RPS6KC1: variants seen among roughly 807,000 people sequenced by gnomAD.
RPS6KC1 encodes inactive ribosomal protein S6 kinase delta-1.
Under a neutral mutation model 103.8 loss-of-function variants are expected in RPS6KC1, and 54 were observed. The observed-to-expected ratio is 0.52, with a 90% CI of 0.42 to 0.65. The LOEUF is 0.65. Ranked by LOEUF, RPS6KC1 falls within the 30% of genes least tolerant of loss-of-function variation. RPS6KC1 has a pLI of 0.00. For missense variants in RPS6KC1, 1,151 were observed against 1,253.8 expected (o/e 0.92, Z 1.24); for synonymous variants, 439 against 438.7 (o/e 1.00, Z -0.01).
chr1:213,602,028 C>CTTTCTTTCTCTTTCTTTCTTTCTT, the RPS6KC1 span, among the ~76,000 whole-genome samples: 9 of 11,894 alleles, frequency 7.6e-4, 3 homozygotes, highest in African/African-American at 1.8e-3. Context: ...TTCTTTCTTT[C>CTTTCTTTCTCTTTCTTTCTTTCTT]TCTTTCTCTT....
the RPS6KC1 span, among the ~76,000 whole-genome samples, chr1:213,294,869 T>G: frequency 6.6e-6 from 1 of 152,192 alleles, no homozygotes; most frequent in South Asian, 2.1e-4. Context: ...AAAATTATTC[T>G]TTCTCCTCCT....
chr1:213,786,094 T>C, the RPS6KC1 span, among the ~76,000 whole-genome samples: 3 of 151,768 alleles, frequency 2.0e-5, no homozygotes, highest in Non-Finnish European at 2.9e-5. Context: ...AGGATGGGAA[T>C]AAAGCTAGGG....
chr1:213,505,899 A>G, the RPS6KC1 span, among the ~76,000 whole-genome samples: 26 of 152,194 alleles, frequency 1.7e-4, 1 homozygote, highest in South Asian at 3.7e-3. Context: ...TTCACTATCA[A>G]GTGCCTGATT....
At chr1:213,440,039 A>C in the RPS6KC1 span, among the ~76,000 whole-genome samples, 1 of 152,232 alleles carries the variant, frequency 6.6e-6, no homozygotes, top group East Asian at 1.9e-4. Context: ...TGGTTTGATT[A>C]TGACATGCCT....
the RPS6KC1 span, among the ~76,000 whole-genome samples, chr1:213,486,577 C>G: frequency 1.3e-5 from 2 of 152,088 alleles, no homozygotes; most frequent in Non-Finnish European, 2.9e-5. Context: ...CTCTGTTCAT[C>G]AAGATACTAT....
the RPS6KC1 span, among the ~76,000 whole-genome samples, chr1:213,384,426 G>A: frequency 6.6e-6 from 1 of 152,102 alleles, no homozygotes; most frequent in Non-Finnish European, 1.5e-5. Flanking sequence ...AGACTGAGGA[G>A]CCTCCAGGTC....
the RPS6KC1 span, among the ~76,000 whole-genome samples, chr1:213,638,187 G>A: frequency 1.3e-5 from 2 of 151,982 alleles, no homozygotes; most frequent in Non-Finnish European, 2.9e-5. Context: ...TGCCCTATAG[G>A]TATCTTTTTT....
the RPS6KC1 span, among the ~76,000 whole-genome samples, chr1:213,309,669 C>A: frequency 1.3e-5 from 2 of 152,066 alleles, no homozygotes; most frequent in Non-Finnish European, 2.9e-5. Flanking sequence ...GTGCTTGATT[C>A]TCCTCTTCTC....
At chr1:213,420,716 A>T in the RPS6KC1 span, among the ~76,000 whole-genome samples, 1 of 151,978 alleles carries the variant, frequency 6.6e-6, no homozygotes, top group Non-Finnish European at 1.5e-5. Context: ...CCCTTGGTTG[A>T]CCCCTGTATT....
At chr1:213,829,838 T>A in the RPS6KC1 span, among the ~76,000 whole-genome samples, 1 of 152,230 alleles carries the variant, frequency 6.6e-6, no homozygotes. Context: ...ATACTCAGAA[T>A]GCCATACCAT....
chr1:213,826,471 T>C, the RPS6KC1 span, among the ~76,000 whole-genome samples: 2 of 152,238 alleles, frequency 1.3e-5, no homozygotes, highest in Non-Finnish European at 2.9e-5. Flanking sequence ...TTCAATACTA[T>C]ATAGACTTGA....
chr1:213,559,087 T>G, the RPS6KC1 span, among the ~76,000 whole-genome samples: 1 of 152,242 alleles, frequency 6.6e-6, no homozygotes. Flanking sequence ...TATCTCTGAT[T>G]GATATAGAAA....
chr1:213,222,984 A>G (rs763414327), intron 8 of RPS6KC1, among the ~76,000 whole-genome samples: 1 of 152,234 alleles, frequency 6.6e-6, no homozygotes, highest in Admixed American at 6.5e-5. Context: ...TCATGTTCAC[A>G]TGAAAGTATG....
chr1:213,825,314 A>G, the RPS6KC1 span, among the ~76,000 whole-genome samples: 3 of 152,186 alleles, frequency 2.0e-5, no homozygotes, highest in African/African-American at 4.8e-5. Flanking sequence ...TTATGTGCAA[A>G]AGCTGCTTGT....
the RPS6KC1 span, among the ~76,000 whole-genome samples, chr1:213,307,809 C>T: frequency 2.0e-5 from 3 of 152,136 alleles, no homozygotes; most frequent in African/African-American, 7.2e-5. Context: ...AGGGCCTCAC[C>T]AGGACCGACA....
At chr1:213,629,157 T>A in the RPS6KC1 span, among the ~76,000 whole-genome samples, 1 of 152,184 alleles carries the variant, frequency 6.6e-6, no homozygotes, top group Non-Finnish European at 1.5e-5. Context: ...TCTGTCTCAT[T>A]GATCTGTCTA....
rs773990056 is a variant in RPS6KC1, at chr1:213,241,264, C to T, written c.1788C>T (p.Ser596=). 6.2e-7 allele frequency: 1 copy of T among 1,613,848 alleles called. No homozygotes were observed. The highest frequency in any genetic ancestry group is 2.2e-5 in the East Asian group (1 of 44,850). The change falls in exon 11 of 15, where the codon AGC becomes AGT. Residue 596 remains serine, a synonymous_variant. Coordinates refer to ENST00000366960, the MANE Select transcript of RPS6KC1 (RefSeq NM_012424.6). The part of the protein sequence containing the change: ...TSDSLSRSKN[S]PMEFFRIDSK... ...ATTCCCTCAGTAGATCAAAAAATAG[C>T]CCCATGGAATTCTTTAGGATAGACA...
chr1:213,605,153 A>C, the RPS6KC1 span, among the ~76,000 whole-genome samples: 1 of 152,150 alleles, frequency 6.6e-6, no homozygotes, highest in Non-Finnish European at 1.5e-5. Context: ...TCGAGGCCAA[A>C]AGAAATCCTG....
chr1:213,451,869 C>A, the RPS6KC1 span, among the ~76,000 whole-genome samples: 269 of 152,184 alleles, frequency 1.8e-3, no homozygotes, highest in African/African-American at 6.2e-3. Context: ...TTCACTCACA[C>A]CATCTCCAGG....
Sources: allele counts gnomAD v4.1 joint callset (sites outside exome capture counted in the v4.1 genomes callset), GRCh38; gene constraint gnomAD v4.1.1; transcripts MANE v1.5; gene names NCBI Gene and HGNC (gene_info 2026-07-23, HGNC 2026-07-21).